The following FIP1L1 variants were observed in gnomAD, a reference collection of about 807,000 sequenced individuals.
FIP1L1 encodes the protein pre-mRNA 3'-end-processing factor FIP1.
Under a neutral mutation model 84.6 loss-of-function variants are expected in FIP1L1, and 21 were observed. That is an observed-to-expected ratio of 0.25 (90% CI 0.18 to 0.36). The LOEUF (loss-of-function observed/expected upper bound fraction) is 0.36. Among genes scored for constraint, FIP1L1 ranks in the 10% least tolerant of loss-of-function variants. The pLI is 1.00. For missense variants in FIP1L1, 526 were observed against 751.1 expected, an observed-to-expected ratio of 0.70 and a Z score of 3.50; for synonymous variants, 263 against 242.3, an observed-to-expected ratio of 1.09 and a Z score of -0.80.
chr4:53,383,792 A>G lies in FIP1L1; in HGVS notation c.248A>G (p.Asp83Gly). Residue 83 changes from aspartate (D) to glycine (G), a missense_variant, in exon 5 of 18, where the codon GAT (aspartate) becomes GGT (glycine). By Grantham distance (94) the Asp-to-Gly change is moderately conservative (BLOSUM62 -1). Coordinates refer to ENST00000337488, the MANE Select transcript of FIP1L1 (RefSeq NM_030917.4). ...VPKPKVTETE[D>G]DSDSDSDDDE... ...ATGTAGAAAGTGACTGAGACCGAAG[A>G]TGATAGTGATAGTGACAGCGATGAT... is the stretch of plus-strand genomic sequence containing the variant. 1.2e-6 allele frequency: 2 copies of G among 1,611,022 alleles called. No homozygotes were observed. The highest frequency in any genetic ancestry group is 1.3e-5 in the African/African-American group (1 of 74,964).
intron 11 of FIP1L1, among the ~76,000 whole-genome samples, chr4:53,425,150 C>G (rs1281992451): frequency 2.0e-5 from 3 of 152,090 alleles, no homozygotes; most frequent in Non-Finnish European, 4.4e-5. Flanking sequence ...TCTATATCAT[C>G]TTAGGCATGC....
At position 53,380,022 on chromosome 4, in the gene FIP1L1, G is replaced by A. The variant is rs1362296474; in HGVS notation, c.170+758G>A. Reference sequence around the variant, plus strand: ...AAACAGGTGTTAGTGAGGATATGGGGAAATAAAACCCTCATACACTTCTGG... The same window carrying A: ...AAACAGGTGTTAGTGAGGATATGGGAAAATAAAACCCTCATACACTTCTGG... On this transcript the variant is annotated intron_variant, in intron 3 of 17. Coordinates refer to ENST00000337488, the MANE Select transcript of FIP1L1 (RefSeq NM_030917.4). Among the ~76,000 whole-genome samples the A allele has an allele frequency of 2.0e-5, 3 of 152,272 alleles. No individual in the cohort carries two copies. In the East Asian group the frequency reaches 5.8e-4, roughly 29 times the overall value.
intron 15 of FIP1L1, among the ~76,000 whole-genome samples, chr4:53,448,273 T>C (rs1462244675): frequency 1.3e-5 from 2 of 151,896 alleles, no homozygotes; most frequent in Non-Finnish European, 3.0e-5. Flanking sequence ...GTCTCTGTCA[T>C]CTATTACATA....
At chr4:53,390,006 T>C (rs1560493443) in intron 6 of FIP1L1, 133 bp downstream of exon 6, 7 of 621,188 alleles carry the variant, frequency 1.1e-5, no homozygotes. Context: ...TGGCGCAATC[T>C]TAGTTCACTG....
chr4:53,382,797 G>T (rs948234379), intron 4 of FIP1L1, among the ~76,000 whole-genome samples: 2 of 152,176 alleles, frequency 1.3e-5, no homozygotes, highest in African/African-American at 4.8e-5. Flanking sequence ...TAAAAGGAAG[G>T]AAGTTATTGT....
intron 11 of FIP1L1, among the ~76,000 whole-genome samples, chr4:53,417,328 C>T (rs9992820): frequency 0.81 from 123,597 of 152,142 alleles, 50,345 homozygotes; most frequent in Non-Finnish European, 0.85. Flanking sequence ...ATTTTCATTA[C>T]GTGTTTTGTG....
Position 53,459,651 on chromosome 4 carries a change from A to AAGAC in FIP1L1, c.*205_*208dup. On this transcript the variant is annotated 3_prime_UTR_variant, in exon 18 of 18. Transcript: ENST00000337488. ...TGTCTTGTACTATTTCAAAAATAAA[A>AAGAC]AGACAGCAATGACTTTATATCCAAG... The AAGAC allele has an allele frequency of 1.5e-6, 1 of 679,242 alleles. No homozygotes were observed. The allele number at this position is 679,242 out of a possible 1,614,324, so 42.1% of individuals were successfully genotyped here.
intron 10 of FIP1L1, 28 bp downstream of exon 10, chr4:53,399,867 C>T: frequency 7.2e-7 from 1 of 1,383,640 alleles, no homozygotes; most frequent in Non-Finnish European, 1.0e-6. Flanking sequence ...AACTCAATTA[C>T]TGTACGACAT....
At chr4:53,384,692 G>A (rs1340464656) in intron 5 of FIP1L1, among the ~76,000 whole-genome samples, 1 of 152,118 alleles carries the variant, frequency 6.6e-6, no homozygotes, top group South Asian at 2.1e-4. Flanking sequence ...TTGACTCATT[G>A]AGCGCATAAA....
intron 13 of FIP1L1, among the ~76,000 whole-genome samples, chr4:53,428,824 C>T (rs1388461337): frequency 6.6e-6 from 1 of 152,068 alleles, no homozygotes; most frequent in East Asian, 1.9e-4. Context: ...CTTTATCTGC[C>T]TTAACCAAGT....
At chr4:53,386,149 T>G (rs1436502496) in intron 5 of FIP1L1, among the ~76,000 whole-genome samples, 3 of 152,038 alleles carry the variant, frequency 2.0e-5, no homozygotes, top group African/African-American at 7.2e-5. Flanking sequence ...TGGAAAGTAG[T>G]TTGTTACCTA....
At chr4:53,382,928 A>T (rs1738861349) in intron 4 of FIP1L1, among the ~76,000 whole-genome samples, 1 of 152,182 alleles carries the variant, frequency 6.6e-6, no homozygotes, top group South Asian at 2.1e-4. Context: ...ACAAATATAG[A>T]ATTTGCATGT....
rs1744222418 is a variant in FIP1L1 at position 53,391,487 on chromosome 4, A to C, written c.694A>C (p.Asn232His). 1 of 1,612,428 alleles carries C rather than the reference A, an allele frequency of 6.2e-7. No homozygotes were observed. The highest frequency in any genetic ancestry group is 1.3e-5 in the African/African-American group (1 of 74,906). Residue 232 changes from asparagine to histidine, a missense_variant, in exon 9 of 18, where the codon AAT (asparagine) becomes CAT (histidine). Transcript: ENST00000337488. ...TGCAGAGATCCAAGATGGCAGATTC[A>C]ATCTTTTTAAGGTGAATTTTAGTAA... ...PGAEIQDGRFNLFKVQQGRTG... is the reference protein window; with the variant it reads ...PGAEIQDGRFHLFKVQQGRTG...
chr4:53,418,979 T>A (rs951383390), intron 11 of FIP1L1, among the ~76,000 whole-genome samples: 10 of 152,198 alleles, frequency 6.6e-5, no homozygotes, highest in African/African-American at 2.4e-4. Context: ...GTTGCTATAG[T>A]GTGTAGTTTG....
At chr4:53,415,344 C>T (rs1020336398) in intron 11 of FIP1L1, among the ~76,000 whole-genome samples, 6 of 152,116 alleles carry the variant, frequency 3.9e-5, no homozygotes, top group Admixed American at 2.6e-4. Flanking sequence ...GAAATAATAA[C>T]TTCATCTTTA....
chr4:53,419,662 C>T (rs570137073), intron 11 of FIP1L1, among the ~76,000 whole-genome samples: 1 of 152,108 alleles, frequency 6.6e-6, no homozygotes, highest in African/African-American at 2.4e-5. Context: ...TGATCTTGAT[C>T]TCCTGAACTC....
intron 15 of FIP1L1, among the ~76,000 whole-genome samples, chr4:53,446,550 A>G (rs1378655717): frequency 2.0e-5 from 3 of 152,140 alleles, no homozygotes; most frequent in Non-Finnish European, 2.9e-5. Flanking sequence ...GTAGCTTTGA[A>G]TAATAACCTA....
chr4:53,412,936 A>G (rs1245925710), intron 10 of FIP1L1, among the ~76,000 whole-genome samples: 1 of 152,086 alleles, frequency 6.6e-6, no homozygotes, highest in African/African-American at 2.4e-5. Flanking sequence ...TTGGCATTCT[A>G]CTTTAAAAAT....
chr4:53,446,922 T>C (rs1004318635), intron 15 of FIP1L1, among the ~76,000 whole-genome samples: 3 of 152,160 alleles, frequency 2.0e-5, no homozygotes, highest in Non-Finnish European at 4.4e-5. Flanking sequence ...CCCCCAACTC[T>C]TCTCTCAGAG....
Sources: gnomAD v4.1 joint callset for allele counts (sites outside exome capture counted in the v4.1 genomes callset) on GRCh38, gnomAD v4.1.1 for gene constraint, MANE v1.5 for transcripts, NCBI Gene and HGNC (gene_info 2026-07-23, HGNC 2026-07-21) for gene names.